KCTD8: variants seen among roughly 807,000 people sequenced by gnomAD.
KCTD8 encodes the protein BTB/POZ domain-containing protein KCTD8.
KCTD8 carries 27 observed loss-of-function variants against 31.5 expected under a neutral mutation model. That is an observed-to-expected ratio of 0.86 (90% CI 0.63 to 1.18). KCTD8 has a LOEUF of 1.18. Among genes scored for constraint, KCTD8 ranks in the 50% most tolerant of loss-of-function variants. The pLI is 0.00. For missense variants in KCTD8, 658 were observed against 647.7 expected (o/e 1.02, Z -0.17); for synonymous variants, 290 against 280.0 (o/e 1.04, Z -0.36).
At chr4:44,252,960 G>A (rs1396635140) in intron 1 of KCTD8, among the ~76,000 whole-genome samples, 1 of 151,648 alleles carries the variant, frequency 6.6e-6, no homozygotes, top group Non-Finnish European at 1.5e-5. Flanking sequence ...GTTTAGATTT[G>A]TTTTTGAGGG....
intron 1 of KCTD8, among the ~76,000 whole-genome samples, chr4:44,329,315 A>C (rs551543351): frequency 1.3e-5 from 2 of 150,802 alleles, no homozygotes; most frequent in African/African-American, 5.0e-5. Flanking sequence ...AAGAAACTAA[A>C]TGAAAAACTG....
chr4:44,317,154 A>C (rs1718151883), intron 1 of KCTD8, among the ~76,000 whole-genome samples: 2 of 149,854 alleles, frequency 1.3e-5, no homozygotes, highest in African/African-American at 4.9e-5. Flanking sequence ...CTCCAGCAGG[A>C]GTTAATATAT....
chr4:44,277,196 T>C (rs1188380357), intron 1 of KCTD8, among the ~76,000 whole-genome samples: 1 of 151,668 alleles, frequency 6.6e-6, no homozygotes, highest in Non-Finnish European at 1.5e-5. Flanking sequence ...TTAATAAGCC[T>C]ATGAAATATT....
intron 1 of KCTD8, among the ~76,000 whole-genome samples, chr4:44,377,117 A>T (rs746799164): frequency 6.6e-5 from 10 of 152,316 alleles, no homozygotes; most frequent in Non-Finnish European, 1.0e-4. Context: ...ATTTACAAAT[A>T]AGCAGTCTTA....
intron 1 of KCTD8, among the ~76,000 whole-genome samples, chr4:44,357,485 TC>T (rs1719373502): frequency 1.3e-5 from 2 of 152,082 alleles, no homozygotes; most frequent in Admixed American, 1.3e-4. Context: ...AGACCAAAAA[TC>T]TAAAGTGTAT....
At chr4:44,179,917 T>C (rs1191283429) in intron 1 of KCTD8, among the ~76,000 whole-genome samples, 1 of 152,102 alleles carries the variant, frequency 6.6e-6, no homozygotes, top group Non-Finnish European at 1.5e-5. Context: ...GTTGCCCAGT[T>C]TTCTTGTGGA....
chr4:44,198,581 T>C (rs1714019501), intron 1 of KCTD8, among the ~76,000 whole-genome samples: 2 of 152,030 alleles, frequency 1.3e-5, no homozygotes, highest in South Asian at 4.2e-4. Context: ...GAAGGAGAAA[T>C]AAAATCTTTC....
intron 1 of KCTD8, among the ~76,000 whole-genome samples, chr4:44,390,447 C>T (rs1720343630): frequency 1.3e-5 from 2 of 151,882 alleles, no homozygotes; most frequent in African/African-American, 2.4e-5. Flanking sequence ...GATCAGTTGG[C>T]TGTATTTCAC....
chr4:44,224,457 T>A (rs1560399248), intron 1 of KCTD8, among the ~76,000 whole-genome samples: 1 of 152,204 alleles, frequency 6.6e-6, no homozygotes, highest in Non-Finnish European at 1.5e-5. Flanking sequence ...GCCTCCATCT[T>A]TGCAGTTTCA....
At chr4:44,390,554 T>A (rs112161979) in intron 1 of KCTD8, among the ~76,000 whole-genome samples, 1,989 of 152,136 alleles carry the variant, frequency 0.013, 20 homozygotes, top group Middle Eastern at 0.02. Flanking sequence ...GGCCTTATAG[T>A]TTAAAGTCAG....
intron 1 of KCTD8, among the ~76,000 whole-genome samples, chr4:44,290,031 A>C (rs1717223766): frequency 6.6e-6 from 1 of 152,186 alleles, no homozygotes; most frequent in South Asian, 2.1e-4. Context: ...AAGTTGGATC[A>C]GAAGACAAGA....
At chr4:44,274,510 T>C (rs1716698092) in intron 1 of KCTD8, among the ~76,000 whole-genome samples, 1 of 151,908 alleles carries the variant, frequency 6.6e-6, no homozygotes, top group South Asian at 2.1e-4. Context: ...CATCACATTA[T>C]ACTGCAGTTG....
At chr4:44,414,478 T>C (rs576937724) in intron 1 of KCTD8, among the ~76,000 whole-genome samples, 2 of 152,220 alleles carry the variant, frequency 1.3e-5, no homozygotes, top group South Asian at 2.1e-4. Flanking sequence ...ATCATCTCTA[T>C]TATAAATGTG....
rs985931959 is a variant in KCTD8, at chr4:44,303,046, G to T, written c.962-127796C>A. Among the ~76,000 whole-genome samples the T allele has an allele frequency of 3.9e-5, 6 of 152,144 alleles. 1 individual carries two copies. The highest frequency in any genetic ancestry group is 1.4e-4 in the African/African-American group (6 of 41,404). ...TTATTTATTTGTGCATATTGAACCA[G>T]CCTTGCATCCCAGGGATGAAGCCCA... On this transcript the variant is annotated intron_variant, in intron 1 of 1. Transcript: ENST00000360029.
rs1713805376 is a variant in KCTD8, at chr4:44,192,799, T to C, written c.962-17549A>G. ...CACAATCCAGGTGGGCATCATCTAA[T>C]CAGCTGCCAGCATAGCCAGAATAAA... On this transcript the variant is annotated intron_variant, in intron 1 of 1. Coordinates refer to ENST00000360029, the MANE Select transcript of KCTD8 (RefSeq NM_198353.3). 4.6e-5 allele frequency among the ~76,000 whole-genome samples: 7 copies of C among 152,184 alleles called. 1 individual carries two copies. The highest frequency in any genetic ancestry group is 4.6e-4 in the Admixed American group (7 of 15,280).
At chr4:44,434,916 A>T (rs1398204920) in intron 1 of KCTD8, among the ~76,000 whole-genome samples, 2 of 151,832 alleles carry the variant, frequency 1.3e-5, no homozygotes, top group Admixed American at 1.3e-4. Flanking sequence ...ATTTTGTGGG[A>T]TTATTTATTA....
intron 1 of KCTD8, among the ~76,000 whole-genome samples, chr4:44,343,258 T>C (rs1718950826): frequency 1.3e-5 from 2 of 152,142 alleles, no homozygotes; most frequent in Non-Finnish European, 1.5e-5. Flanking sequence ...ATTGGCCTGA[T>C]TACAATATTG....
chr4:44,262,124 CG>C (rs1560409016), intron 1 of KCTD8, among the ~76,000 whole-genome samples: 1 of 152,008 alleles, frequency 6.6e-6, no homozygotes, highest in Admixed American at 6.6e-5. Flanking sequence ...TTCTGTCAAA[CG>C]GTTTCTCAAG....
chr4:44,212,421 C>A (rs1399043085), intron 1 of KCTD8, among the ~76,000 whole-genome samples: 1 of 152,174 alleles, frequency 6.6e-6, no homozygotes, highest in Non-Finnish European at 1.5e-5. Context: ...AAGACCCCTG[C>A]ATATACCAAA....
Sources: allele counts gnomAD v4.1 joint callset (sites outside exome capture counted in the v4.1 genomes callset), GRCh38; gene constraint gnomAD v4.1.1; transcripts MANE v1.5; gene names NCBI Gene and HGNC (gene_info 2026-07-23, HGNC 2026-07-21).